The following IQUB variants were observed in gnomAD, a reference collection of about 807,000 sequenced individuals.
IQUB encodes IQ motif and ubiquitin-like domain-containing protein.
In IQUB, 86 loss-of-function variants were observed where a neutral mutation model predicts 86.4. The observed-to-expected ratio is 1.00, with a 90% CI of 0.84 to 1.19. IQUB has a LOEUF of 1.19. IQUB is among the 50% of genes most tolerant of loss of function. IQUB has a pLI of 0.00. For synonymous variants in IQUB, 289 were observed against 304.5 expected (o/e 0.95, Z 0.53); for missense variants, 946 against 916.9 (o/e 1.03, Z -0.41).
chr7:123,495,925 CTG>C (rs1795690191), intron 7 of IQUB, among the ~76,000 whole-genome samples: 1 of 151,880 alleles, frequency 6.6e-6, no homozygotes, highest in South Asian at 2.1e-4. Flanking sequence ...AAAGAAATAA[CTG>C]AGACTGAAAA....
At chr7:123,518,641 C>CTACA (rs890350284) in intron 1 of IQUB, among the ~76,000 whole-genome samples, 3 of 152,182 alleles carry the variant, frequency 2.0e-5, no homozygotes, top group Admixed American at 2.0e-4. Flanking sequence ...GTCACCCAGG[C>CTACA]TACAGTACAG....
chr7:123,516,131 A>G (rs570790662), intron 1 of IQUB, among the ~76,000 whole-genome samples: 25 of 128,674 alleles, frequency 1.9e-4, no homozygotes, highest in Non-Finnish European at 3.0e-4. Flanking sequence ...CAGTAGGGGG[A>G]AAAAAAGTGT....
At chr7:123,528,341 C>T (rs755333323) in intron 1 of IQUB, among the ~76,000 whole-genome samples, 12 of 151,994 alleles carry the variant, frequency 7.9e-5, no homozygotes, top group Non-Finnish European at 1.8e-4. Flanking sequence ...GACTCCTCCC[C>T]GAAAAAAATA....
chr7:123,502,736 T>A lies in IQUB; in HGVS notation c.884A>T (p.Lys295Ile). The A allele has an allele frequency of 5.0e-6, 8 of 1,602,502 alleles. No individual in the cohort carries two copies. The highest frequency in any genetic ancestry group is 4.3e-6 in the Non-Finnish European group (5 of 1,175,702). ...CRDTQTVFQKKNLQQTTNTTS... is the reference protein window; with the variant it reads ...CRDTQTVFQKINLQQTTNTTS... The stretch of plus-strand genomic sequence containing the variant: ...TGTATTTGTAGTTTGTTGGAGATTT[T>A]TTTTCTGAAAAACTGTCTAAAAGAA... Residue 295 changes from lysine (K) to isoleucine (I), a missense_variant, in exon 6 of 13, where the codon AAA (lysine) becomes ATA (isoleucine). Transcript: ENST00000324698.
In IQUB at chr7:123,452,825, T is replaced by A. The variant is rs1220785046; in HGVS notation, c.2294A>T (p.Asp765Val). The change falls in exon 13 of 13, where the codon GAT becomes GTT. Residue 765 changes from aspartate (D) to valine (V), a missense_variant. By Grantham distance (152) the Asp-to-Val change is radical. Transcript: ENST00000324698. ...CCATCTGATCTCATCAATTTCACCA[T>A]CATCAAGTATAAATGAAGCCAGCAC... ...VPVLASFILD[D>V]GEIDEIRWKY... 6 of 1,613,414 alleles carry A rather than the reference T, an allele frequency of 3.7e-6. No individual in the cohort carries two copies. The highest frequency in any genetic ancestry group is 1.3e-5 in the African/African-American group (1 of 74,890).
At chr7:123,500,265 C>T (rs1257197977) in intron 6 of IQUB, among the ~76,000 whole-genome samples, 1 of 152,200 alleles carries the variant, frequency 6.6e-6, no homozygotes, top group Admixed American at 6.5e-5. Flanking sequence ...TGTGGGAGAT[C>T]CAAGAACCCT....
chr7:123,504,353 G>A (rs1796082327), intron 3 of IQUB, among the ~76,000 whole-genome samples: 1 of 152,154 alleles, frequency 6.6e-6, no homozygotes, highest in South Asian at 2.1e-4. Context: ...GGGAGGCTGA[G>A]GCAAGAGAAT....
chr7:123,453,326 A>T (rs1256726652), intron 12 of IQUB, among the ~76,000 whole-genome samples: 3 of 147,352 alleles, frequency 2.0e-5, no homozygotes, highest in South Asian at 4.2e-4. Context: ...AAACAAAAAT[A>T]AAAACAAAAC....
intron 1 of IQUB, among the ~76,000 whole-genome samples, chr7:123,517,015 A>G (rs1796666664): frequency 1.3e-5 from 2 of 152,180 alleles, no homozygotes; most frequent in South Asian, 4.1e-4. Flanking sequence ...TGAGCTTTAT[A>G]TTCACATAGG....
intron 1 of IQUB, among the ~76,000 whole-genome samples, chr7:123,524,376 T>C (rs1797075962): frequency 6.6e-6 from 1 of 150,414 alleles, no homozygotes; most frequent in East Asian, 1.9e-4. Flanking sequence ...CTCTTTTATT[T>C]CCTTGAGCAG....
intron 6 of IQUB, among the ~76,000 whole-genome samples, chr7:123,499,185 A>G (rs535322196): frequency 6.6e-6 from 1 of 151,708 alleles, no homozygotes; most frequent in East Asian, 1.9e-4. Context: ...ATCTCAGCTC[A>G]CTGCAGCCTC....
Position 123,504,920 on chromosome 7 carries a change from C to A in IQUB, c.533-1557G>T, listed in dbSNP as rs550946520. On this transcript the variant is annotated intron_variant, in intron 3 of 12. Coordinates refer to ENST00000324698, the MANE Select transcript of IQUB (RefSeq NM_178827.5). ...AGTCTCATCTGAGACAAGGCAAGTC[C>A]CTTCCACCTATGAGCCTATAAAATC... Among the ~76,000 whole-genome samples the A allele has an allele frequency of 3.3e-5, 5 of 152,280 alleles. No homozygotes were observed. In the East Asian group the frequency reaches 9.6e-4, roughly 29 times the overall value.
rs556218478 is a variant in IQUB at position 123,530,034 on chromosome 7, A to C, written c.-5+4458T>G. On this transcript the variant is annotated intron_variant, in intron 1 of 12. Coordinates refer to ENST00000324698, the MANE Select transcript of IQUB (RefSeq NM_178827.5). ...GCGACAGAGCCAGACTCCATCTCAA[A>C]AAGAAAACAAAACAAAATACAAAAA... Among the ~76,000 whole-genome samples, 4 of 151,738 alleles carry C rather than the reference A, an allele frequency of 2.6e-5. No homozygotes were observed. In the East Asian group the frequency reaches 7.8e-4, roughly 30 times the overall value.
rs371847604 is a variant in IQUB, at chr7:123,523,272, C to T, written c.-4-10928G>A. Among the ~76,000 whole-genome samples the T allele has an allele frequency of 6.4e-5, 9 of 139,626 alleles. 1 individual carries two copies. The highest frequency in any genetic ancestry group is 4.5e-4 in the South Asian group (2 of 4,422). The allele number at this position is 139,626 out of a possible 152,430, so 91.6% of individuals were successfully genotyped here. A position where few individuals can be genotyped will look rare whatever the true frequency, so the allele number is the denominator to read the frequency against. ...TTCTAGTTCTAGATCCCTGAGGAAT[C>T]GCCACACTGACTTCCACAATGGTCA... On this transcript the variant is annotated intron_variant, in intron 1 of 12. Transcript: ENST00000324698.
chr7:123,474,901 CAT>C (rs1019807957), intron 8 of IQUB, among the ~76,000 whole-genome samples: 1 of 152,138 alleles, frequency 6.6e-6, no homozygotes, highest in African/African-American at 2.4e-5. Flanking sequence ...AATTCTAAAA[CAT>C]GTGACCCACA....
chr7:123,508,451 G>A (rs1253725875), intron 3 of IQUB, among the ~76,000 whole-genome samples: 1 of 152,186 alleles, frequency 6.6e-6, no homozygotes, highest in South Asian at 2.1e-4. Context: ...ACTTATTTCT[G>A]TAATAGGCTT....
chr7:123,464,232 C>G (rs1563430411), intron 10 of IQUB, among the ~76,000 whole-genome samples: 1 of 151,798 alleles, frequency 6.6e-6, no homozygotes, highest in Non-Finnish European at 1.5e-5. Flanking sequence ...AAGCATTTGT[C>G]TTGGCTTTAG....
intron 1 of IQUB, among the ~76,000 whole-genome samples, chr7:123,512,943 G>T (rs1796489061): frequency 6.6e-6 from 1 of 152,128 alleles, no homozygotes; most frequent in African/African-American, 2.4e-5. Flanking sequence ...CTAAAAGCTT[G>T]GGCCAGGATA....
At chr7:123,476,818 G>A (rs994364989) in intron 8 of IQUB, among the ~76,000 whole-genome samples, 1 of 151,810 alleles carries the variant, frequency 6.6e-6, no homozygotes, top group Non-Finnish European at 1.5e-5. Flanking sequence ...TACAGGCAAT[G>A]GTAGTGGGTT....
Sources: allele counts gnomAD v4.1 joint callset (sites outside exome capture counted in the v4.1 genomes callset), GRCh38; gene constraint gnomAD v4.1.1; transcripts MANE v1.5; gene names NCBI Gene and HGNC (gene_info 2026-07-23, HGNC 2026-07-21).